Variants in SULF1 observed in about 807,000 individuals in gnomAD.
SULF1 encodes extracellular sulfatase Sulf-1.
Under a neutral mutation model 110.5 loss-of-function variants are expected in SULF1, and 46 were observed. The ratio of observed to expected loss-of-function variants is 0.42; its 90% confidence interval spans 0.33 to 0.53. SULF1 has a LOEUF of 0.53. SULF1 is among the 20% of genes least tolerant of loss of function. SULF1 has a pLI of 0.12. For missense variants in SULF1, 941 were observed against 1,094.2 expected, an observed-to-expected ratio of 0.86 and a Z score of 1.98; for synonymous variants, 371 against 387.1, an observed-to-expected ratio of 0.96 and a Z score of 0.49.
chr8:69,593,690 T>C (rs967574230), intron 8 of SULF1, among the ~76,000 whole-genome samples: 1 of 152,298 alleles, frequency 6.6e-6, no homozygotes, highest in South Asian at 2.1e-4. Context: ...GGAAAATAGT[T>C]TAATCAAACT....
rs570923658 is a variant in SULF1, at chr8:69,635,991, A to G, written c.2285-2511A>G. ...GGTTTTTCCATCTGTTAACATGAGG[A>G]TGATAATAATAACCTCTGTCTCAAG... On this transcript the variant is annotated intron_variant, in intron 19 of 22. Coordinates refer to ENST00000402687, the MANE Select transcript of SULF1 (RefSeq NM_001128205.2). Among the ~76,000 whole-genome samples, 15 of 152,246 alleles carry G rather than the reference A, an allele frequency of 9.9e-5. No homozygotes were observed. In the South Asian group the frequency reaches 3.1e-3, roughly 32 times the overall value.
intron 21 of SULF1, 132 bp from the exon 22 acceptor site, chr8:69,640,676 T>C (rs1811409878): frequency 3.3e-6 from 2 of 611,552 alleles, no homozygotes; most frequent in African/African-American, 1.9e-5. Flanking sequence ...TCTGTTGGGC[T>C]TCAGCACTGT....
At chr8:69,606,159 A>T (rs1156966233) in intron 13 of SULF1, among the ~76,000 whole-genome samples, 1 of 152,188 alleles carries the variant, frequency 6.6e-6, no homozygotes, top group Admixed American at 6.5e-5. Flanking sequence ...TTCCTAATAA[A>T]CAACTTGATC....
At chr8:69,547,789 G>A (rs1814385613) in intron 3 of SULF1, among the ~76,000 whole-genome samples, 1 of 152,160 alleles carries the variant, frequency 6.6e-6, no homozygotes, top group African/African-American at 2.4e-5. Context: ...ACTAGTGCCT[G>A]ATGAAGTGCC....
chr8:69,592,357 GT>G (rs1806967853), intron 8 of SULF1, among the ~76,000 whole-genome samples: 1 of 152,186 alleles, frequency 6.6e-6, no homozygotes, highest in African/African-American at 2.4e-5. Context: ...GTCACTGGAG[GT>G]TGGGTAGTAA....
chr8:69,635,113 T>A (rs1439916012), intron 19 of SULF1, among the ~76,000 whole-genome samples: 1 of 152,246 alleles, frequency 6.6e-6, no homozygotes, highest in East Asian at 1.9e-4. Flanking sequence ...AATATTTAAA[T>A]TAGCTAATCA....
chr8:69,651,056 C>CTTT (rs1473830022), intron 22 of SULF1, among the ~76,000 whole-genome samples: 4,436 of 137,292 alleles, frequency 0.032, 339 homozygotes, highest in African/African-American at 0.12. Context: ...TTTTTCTTTT[C>CTTT]TTTTTTTTTT....
chr8:69,582,082 G>A (rs1211761447), intron 6 of SULF1, among the ~76,000 whole-genome samples: 2 of 152,094 alleles, frequency 1.3e-5, no homozygotes, highest in South Asian at 2.1e-4. Flanking sequence ...GCAATGGGTA[G>A]AAAACAGTAC....
chr8:69,653,781 C>T (rs1320938214), intron 22 of SULF1, among the ~76,000 whole-genome samples: 2 of 152,176 alleles, frequency 1.3e-5, no homozygotes, highest in Non-Finnish European at 2.9e-5. Context: ...CCCTAGCCAT[C>T]TCCTCAGCAT....
At chr8:69,641,791 A>G (rs149510019) in intron 22 of SULF1, among the ~76,000 whole-genome samples, 12 of 152,258 alleles carry the variant, frequency 7.9e-5, no homozygotes, top group African/African-American at 2.9e-4. Context: ...AATAGTGTCA[A>G]CACAGCACCA....
chr8:69,523,825 A>G (rs1812485595), intron 3 of SULF1, among the ~76,000 whole-genome samples: 1 of 152,210 alleles, frequency 6.6e-6, no homozygotes, highest in African/African-American at 2.4e-5. Context: ...AGTGGGATGC[A>G]TGGAACCAAG....
In SULF1 at chr8:69,579,126, A is replaced by C. The variant is rs574540646; in HGVS notation, c.412+2917A>C. On this transcript the variant is annotated intron_variant, in intron 6 of 22. Coordinates refer to ENST00000402687, the MANE Select transcript of SULF1 (RefSeq NM_001128205.2). ...CAGTGAGCCAAGATCGTGCCACTGC[A>C]CTCCAGTCTGGGAGACAAAGCGAGA... Among the ~76,000 whole-genome samples, 1,082 of 145,980 alleles carry C rather than the reference A, an allele frequency of 7.4e-3. 3 individuals carry two copies. Among genetic ancestry groups the C allele is most frequent in the Middle Eastern group, 0.026 (7 of 270 alleles).
At chr8:69,542,696 C>T (rs1813944363) in intron 3 of SULF1, among the ~76,000 whole-genome samples, 1 of 152,132 alleles carries the variant, frequency 6.6e-6, no homozygotes, top group African/African-American at 2.4e-5. Flanking sequence ...AATACGATGA[C>T]TTCTGAAGTC....
At chr8:69,617,833 G>A (rs1049359368) in intron 13 of SULF1, among the ~76,000 whole-genome samples, 14 of 152,140 alleles carry the variant, frequency 9.2e-5, no homozygotes, top group African/African-American at 3.4e-4. Context: ...TGCACTGATA[G>A]TATTCATCCA....
chr8:69,526,599 CAAAA>C (rs3059929), intron 3 of SULF1, among the ~76,000 whole-genome samples: 4 of 136,604 alleles, frequency 2.9e-5, no homozygotes, highest in Admixed American at 7.3e-5. Context: ...GTATCTCTAC[CAAAA>C]AAAAAAAAAA....
chr8:69,608,352 T>C (rs998837746), intron 13 of SULF1, among the ~76,000 whole-genome samples: 1 of 152,212 alleles, frequency 6.6e-6, no homozygotes, highest in African/African-American at 2.4e-5. Context: ...CCATCTTACC[T>C]GCTGTTTTCA....
At chr8:69,627,742 T>C (rs1424588586) in intron 16 of SULF1, 30 bp from the exon 17 acceptor site, 5 of 1,434,200 alleles carry the variant, frequency 3.5e-6, no homozygotes, top group Non-Finnish European at 4.9e-6. Context: ...CTGATCTTAA[T>C]ACGTAAGTGC....
intron 3 of SULF1, among the ~76,000 whole-genome samples, chr8:69,522,962 A>G (rs374393387): frequency 6.6e-6 from 1 of 152,250 alleles, no homozygotes; most frequent in South Asian, 2.1e-4. Flanking sequence ...TTTGCTGCAA[A>G]TGGAGCAGAG....
intron 5 of SULF1, among the ~76,000 whole-genome samples, chr8:69,568,146 G>C (rs1213901413): frequency 1.3e-5 from 2 of 152,170 alleles, no homozygotes; most frequent in African/African-American, 4.8e-5. Context: ...TTCACCTAAT[G>C]CAAACCTTTT....
Sources: allele counts gnomAD v4.1 joint callset (sites outside exome capture counted in the v4.1 genomes callset), GRCh38; gene constraint gnomAD v4.1.1; transcripts MANE v1.5; gene names NCBI Gene and HGNC (gene_info 2026-07-23, HGNC 2026-07-21).